The following SMARCA4 variants were observed in gnomAD, a reference collection of about 807,000 sequenced individuals.
The protein encoded by SMARCA4 is SWI/SNF related BAF chromatin remodeling complex subunit ATPase 4, also known as SWI/SNF-related matrix-associated actin-dependent regulator of chromatin subfamily A member 4.
In SMARCA4, 31 loss-of-function variants were observed where a neutral mutation model predicts 193.9. The observed-to-expected ratio is 0.16, with a 90% confidence interval of 0.12 to 0.22. The LOEUF (loss-of-function observed/expected upper bound fraction) is 0.22, where lower values mean the gene tolerates loss of function less well. Ranked by LOEUF, SMARCA4 falls within the 10% of genes least tolerant of loss-of-function variation. SMARCA4 has a pLI of 1.00. For synonymous variants in SMARCA4, 942 were observed against 933.1 expected, an observed-to-expected ratio of 1.01 and a Z score of -0.17; for missense variants, 1,148 against 2,296.0, an observed-to-expected ratio of 0.50 and a Z score of 10.22.
chr19:11,052,209 G>T (rs994923586), intron 30 of SMARCA4, among the ~76,000 whole-genome samples: 5 of 152,224 alleles, frequency 3.3e-5, no homozygotes, highest in Non-Finnish European at 7.3e-5. Flanking sequence ...AAGATTGAGT[G>T]ACTGTGAAAC....
Position 11,034,872 on chromosome 19 carries a change from C to T in SMARCA4, c.3952-42C>T, listed in dbSNP as rs1468241914. 1.5e-5 allele frequency: 21 copies of T among 1,358,756 alleles called. No individual in the cohort carries two copies. The highest frequency in any genetic ancestry group is 2.1e-5 in the Non-Finnish European group (21 of 978,030). The allele number at this position is 1,358,756 out of a possible 1,614,324, so 84.2% of individuals were successfully genotyped here. ...TTCTGGCTCTAGCGTGCCCCTGGTG[C>T]CTGCATGCTGATGCCTCTCCCGTTG... On this transcript the variant is annotated intron_variant, in intron 28 of 34. Coordinates refer to ENST00000344626, the MANE Select transcript of SMARCA4 (RefSeq NM_003072.5). This position sits in a 1 kb window ranked among gnomAD's most constrained non-coding sequence, Gnocchi z 7.0.
At chr19:11,054,514 G>A (rs971558075) in intron 30 of SMARCA4, among the ~76,000 whole-genome samples, 1 of 152,192 alleles carries the variant, frequency 6.6e-6, no homozygotes, top group Admixed American at 6.5e-5. Context: ...TGTGCATTGG[G>A]CCAGGTGCGG....
At chr19:10,969,629 C>T (rs1258718513) in intron 1 of SMARCA4, among the ~76,000 whole-genome samples, 1 of 151,478 alleles carries the variant, frequency 6.6e-6, no homozygotes, top group Non-Finnish European at 1.5e-5. Context: ...GGGGTTTCTC[C>T]GTGTTGGTCA....
intron 32 of SMARCA4, chr19:11,059,106 CT>C: frequency 6.2e-5 from 30 of 481,086 alleles, no homozygotes; most frequent in Non-Finnish European, 7.4e-5. Context: ...AAGACCCTGT[CT>C]TTAAAAAAAA....
chr19:11,051,189 C>G (rs1463271424), intron 30 of SMARCA4, among the ~76,000 whole-genome samples: 1 of 152,234 alleles, frequency 6.6e-6, no homozygotes, highest in Admixed American at 6.5e-5. Context: ...GGGCCCTACC[C>G]CCAAGTCTCC....
chr19:11,048,301 G>A (rs749141907), intron 30 of SMARCA4, among the ~76,000 whole-genome samples: 8 of 151,748 alleles, frequency 5.3e-5, no homozygotes, highest in South Asian at 2.1e-4. Flanking sequence ...GCACAATCTC[G>A]GCTCCCTGCA....
intron 1 of SMARCA4, among the ~76,000 whole-genome samples, chr19:10,982,169 G>A (rs762810922): frequency 2.0e-5 from 3 of 151,516 alleles, no homozygotes; most frequent in Non-Finnish European, 4.4e-5. Flanking sequence ...GTGAAACCCC[G>A]TCTCTACTAA....
In SMARCA4 at chr19:11,034,696, CG is replaced by C. The variant is rs1264309884; in HGVS notation, c.3952-217del. ...CCTCTTGTGCAACCTTCCATCTTTT[CG>C]AGTTTCCTCTGCCTCCTGAGGCAGA... On this transcript the variant is annotated intron_variant, in intron 28 of 34. Transcript: ENST00000344626. This position sits in a 1 kb window ranked among gnomAD's most constrained non-coding sequence, Gnocchi z 7.0. Among the ~76,000 whole-genome samples, 1 of 152,186 alleles carries C rather than the reference CG, an allele frequency of 6.6e-6. No homozygotes were observed. Among genetic ancestry groups the C allele is most frequent in the Non-Finnish European group, 1.5e-5 (1 of 68,028 alleles).
In SMARCA4 at chr19:11,056,404, C is replaced by T. The variant is rs185133336; in HGVS notation, c.4425-1851C>T. 7.2e-5 allele frequency: 11 copies of T among 152,308 alleles called. No homozygotes were observed. The East Asian group carries it at 1.4e-3, about 19-fold the overall frequency. 9.4% of individuals were successfully genotyped at this position (152,308 alleles called of 1,614,324 possible). ...AAGGGTATGTGCTCCCATGCTGGAC[C>T]GGCTGGTCCCACACCCAGGACCAAA... On this transcript the variant is annotated intron_variant, in intron 30 of 34. Coordinates refer to ENST00000344626, the MANE Select transcript of SMARCA4 (RefSeq NM_003072.5).
chr19:11,001,980 C>G (rs761666108), intron 11 of SMARCA4, among the ~76,000 whole-genome samples: 23 of 152,052 alleles, frequency 1.5e-4, no homozygotes, highest in Non-Finnish European at 1.9e-4. Context: ...TTGATGAGAT[C>G]TACAAATAGA....
chr19:11,045,876 A>G (rs1227941111), intron 30 of SMARCA4, among the ~76,000 whole-genome samples: 1 of 151,758 alleles, frequency 6.6e-6, no homozygotes. Flanking sequence ...TGAGCCCAGG[A>G]GTTCAGATGA....
intron 25 of SMARCA4, chr19:11,032,973 G>A (rs2075030469): frequency 2.2e-6 from 1 of 447,418 alleles, no homozygotes; most frequent in African/African-American, 2.0e-5. Flanking sequence ...GTGGGGAGCT[G>A]TGCCGCTGCC....
At chr19:11,008,219 G>T (rs567347638) in intron 14 of SMARCA4, 196 bp downstream of exon 14, 6 of 568,040 alleles carry the variant, frequency 1.1e-5, no homozygotes, top group South Asian at 4.9e-5. Context: ...AATTGCATTC[G>T]CATGGTTCAC....
Position 11,041,689 on chromosome 19 carries a change from G to A in SMARCA4, c.4424+129G>A, listed in dbSNP as rs2075624842. 1.3e-6 allele frequency: 1 copy of A among 769,114 alleles called. No individual in the cohort carries two copies. The allele number at this position is 769,114 out of a possible 1,614,324, so 47.6% of individuals were successfully genotyped here. A position where few individuals can be genotyped will look rare whatever the true frequency, so the allele number is the denominator to read the frequency against. ...TTTCACTCATCCACAAACACTGACT[G>A]AATCTCTGTGTCTTTGAGCCTGGCC... On this transcript the variant is annotated intron_variant, in intron 30 of 34. Transcript: ENST00000344626. The surrounding 1 kb of genome is among the most constrained non-coding windows in gnomAD (Gnocchi z 5.6).
In SMARCA4 at chr19:11,062,104, T is replaced by G; in HGVS notation, c.*288T>G. The G allele has an allele frequency of 1.9e-6, 1 of 518,888 alleles. No individual in the cohort carries two copies. The highest frequency in any genetic ancestry group is 3.5e-6 in the Non-Finnish European group (1 of 284,592). 32.1% of individuals were successfully genotyped at this position (518,888 alleles called of 1,614,324 possible). ...TGTTTTTCTTTTCCGTTGCTGGCAG[T>G]ACTGTTGCGCCGCAGTTTGGAGTCA... On this transcript the variant is annotated 3_prime_UTR_variant, in exon 35 of 35. Coordinates refer to ENST00000344626, the MANE Select transcript of SMARCA4 (RefSeq NM_003072.5).
intron 16 of SMARCA4, among the ~76,000 whole-genome samples, chr19:11,013,624 C>T (rs2089068789): frequency 6.6e-6 from 1 of 152,106 alleles, no homozygotes; most frequent in Non-Finnish European, 1.5e-5. Flanking sequence ...TGGGGTCCCT[C>T]TCCCGGGATG....
intron 29 of SMARCA4, chr19:11,040,235 A>T (rs2146790950): frequency 6.6e-6 from 1 of 152,096 alleles, no homozygotes; most frequent in East Asian, 1.9e-4. Flanking sequence ...AGATTGCACC[A>T]CTGCACTCCA....
In SMARCA4 at chr19:11,019,516, G is replaced by C; in HGVS notation, c.2506-75G>C. On this transcript the variant is annotated intron_variant, in intron 17 of 34. Transcript: ENST00000344626. This position sits in a 1 kb window ranked among gnomAD's most constrained non-coding sequence, Gnocchi z 6.1. ...CCGCCGTGTCACTGGGCAGTTGCAG[G>C]GGGTGCCTGTGCCCCTCTTGCCACC... The C allele has an allele frequency of 1.1e-6, 1 of 873,006 alleles. No individual in the cohort carries two copies. The allele number at this position is 873,006 out of a possible 1,614,324, so 54.1% of individuals were successfully genotyped here. A position where few individuals can be genotyped will look rare whatever the true frequency, so the allele number is the denominator to read the frequency against.
chr19:11,014,811 A>T (rs1383470121), intron 16 of SMARCA4, among the ~76,000 whole-genome samples: 1 of 151,804 alleles, frequency 6.6e-6, no homozygotes. Flanking sequence ...GATCTCATTT[A>T]TTTTTATTTT....
Sources: allele counts gnomAD v4.1 joint callset (sites outside exome capture counted in the v4.1 genomes callset), GRCh38; gene constraint gnomAD v4.1.1; non-coding constraint Gnocchi (gnomAD v3.1); transcripts MANE v1.5; gene names NCBI Gene and HGNC (gene_info 2026-07-23, HGNC 2026-07-21).